EPS15L1: variants seen among roughly 807,000 people sequenced by gnomAD.
EPS15L1 encodes epidermal growth factor receptor substrate 15-like 1.
EPS15L1 carries 43 observed loss-of-function variants against 117.1 expected under a neutral mutation model. The ratio of observed to expected loss-of-function variants is 0.37; its 90% confidence interval spans 0.29 to 0.47. The LOEUF is 0.47. EPS15L1 is among the 20% of genes least tolerant of loss of function. The probability of loss-of-function intolerance (pLI) is 0.99; values close to 1 mark genes in which losing one functional copy is unlikely to be tolerated. For synonymous variants in EPS15L1, 459 were observed against 470.5 expected (o/e 0.98, Z 0.32); for missense variants, 981 against 1,164.0 (o/e 0.84, Z 2.29).
chr19:16,388,699 C>A (rs899358073), intron 19 of EPS15L1, among the ~76,000 whole-genome samples: 5 of 151,748 alleles, frequency 3.3e-5, no homozygotes, highest in Non-Finnish European at 7.4e-5. Context: ...TAGTGGCGGG[C>A]GCCTGTAGTC....
In EPS15L1 at chr19:16,442,053, G is replaced by A. The variant is rs188122141; in HGVS notation, c.76-72C>T. 157 of 1,479,392 alleles carry A rather than the reference G, an allele frequency of 1.1e-4. No individual in the cohort carries two copies. In the African/African-American group the frequency reaches 1.6e-3, roughly 15 times the overall value. The allele number at this position is 1,479,392 out of a possible 1,614,324, so 91.6% of individuals were successfully genotyped here. A position where few individuals can be genotyped will look rare whatever the true frequency, so the allele number is the denominator to read the frequency against. ...CAGCAGGTGAAGTGGCACCCGCCAC[G>A]CTAACTATCCGCTGACAGTGAACAG... On this transcript the variant is annotated intron_variant, in intron 2 of 23. Coordinates refer to ENST00000455140, the MANE Select transcript of EPS15L1 (RefSeq NM_001258374.3).
intron 16 of EPS15L1, among the ~76,000 whole-genome samples, chr19:16,399,609 A>C (rs751781533): frequency 3.3e-5 from 5 of 152,002 alleles, no homozygotes; most frequent in Non-Finnish European, 7.4e-5. Flanking sequence ...CTGTGGTGTA[A>C]ACAGTCTCAT....
chr19:16,386,429 C>T (rs751672630), intron 19 of EPS15L1, among the ~76,000 whole-genome samples, 198 bp from the exon 20 acceptor site: 3 of 152,130 alleles, frequency 2.0e-5, no homozygotes, highest in Non-Finnish European at 2.9e-5. Context: ...TCAACCTGGA[C>T]GGAATATCCC....
chr19:16,447,577 T>C (rs938271555), intron 1 of EPS15L1, among the ~76,000 whole-genome samples: 2 of 152,014 alleles, frequency 1.3e-5, no homozygotes, highest in Non-Finnish European at 2.9e-5. Context: ...CTGGCCAACA[T>C]GATGAAACCC....
At chr19:16,402,129 A>T (rs140782885) in intron 16 of EPS15L1, 192 bp downstream of exon 16, 3 of 1,356,504 alleles carry the variant, frequency 2.2e-6, no homozygotes, top group African/African-American at 3.0e-5. Context: ...GGAAGCCAGG[A>T]TTCAGCATGG....
chr19:16,436,056 G>C (rs531924182), intron 6 of EPS15L1, among the ~76,000 whole-genome samples: 14 of 152,374 alleles, frequency 9.2e-5, no homozygotes, highest in African/African-American at 3.1e-4. Flanking sequence ...CACTGGCAAA[G>C]TGCTTGATGA....
At chr19:16,357,431 C>A (rs2091996538) in intron 23 of EPS15L1, 1 of 152,242 alleles carries the variant, frequency 6.6e-6, no homozygotes, top group Non-Finnish European at 1.5e-5. Flanking sequence ...GCTCGTGGGC[C>A]CCAGGAAGGA....
At chr19:16,417,399 C>A (rs1339068098) in intron 12 of EPS15L1, 153 bp downstream of exon 12, 9 of 659,358 alleles carry the variant, frequency 1.4e-5, no homozygotes, top group Non-Finnish European at 2.5e-5. Flanking sequence ...GCCCCTTGAG[C>A]CAGTTTAGGA....
intron 21 of EPS15L1, among the ~76,000 whole-genome samples, chr19:16,378,476 G>T (rs1263392047): frequency 6.6e-6 from 1 of 152,036 alleles, no homozygotes; most frequent in African/African-American, 2.4e-5. Flanking sequence ...AGCCTGGCTG[G>T]ACCCCACTGC....
intron 17 of EPS15L1, among the ~76,000 whole-genome samples, chr19:16,394,447 T>G (rs532595760): frequency 6.6e-6 from 1 of 152,270 alleles, no homozygotes; most frequent in Non-Finnish European, 1.5e-5. Flanking sequence ...GGCTGCCAGA[T>G]TCGCCTCTCA....
intron 16 of EPS15L1, 101 bp downstream of exon 16, chr19:16,402,220 G>A (rs893211234): frequency 2.0e-6 from 3 of 1,480,004 alleles, no homozygotes; most frequent in South Asian, 1.4e-5. Context: ...GCACTTGGCT[G>A]GAACCAACGT....
At chr19:16,412,561 AAC>A (rs961285060) in intron 13 of EPS15L1, 6 of 152,542 alleles carry the variant, frequency 3.9e-5, no homozygotes, top group African/African-American at 1.2e-4. Flanking sequence ...CTATAATCCT[AAC>A]ACTTTGAGAA....
At chr19:16,424,011 T>G (rs2067973627) in intron 9 of EPS15L1, among the ~76,000 whole-genome samples, 1 of 152,212 alleles carries the variant, frequency 6.6e-6, no homozygotes, top group Non-Finnish European at 1.5e-5. Context: ...GATGCCAAAT[T>G]GACTATAAAC....
At chr19:16,373,183 TGTCA>T (rs993124694) in intron 22 of EPS15L1, among the ~76,000 whole-genome samples, 2 of 152,210 alleles carry the variant, frequency 1.3e-5, no homozygotes, top group Non-Finnish European at 2.9e-5. Flanking sequence ...TCAGACTTTT[TGTCA>T]GTCTGTCTAT....
intron 16 of EPS15L1, chr19:16,401,266 G>C: frequency 1.0e-6 from 1 of 985,474 alleles, no homozygotes; most frequent in Non-Finnish European, 1.2e-6. Context: ...GCAGCCCAGG[G>C]GACGCGTGTG....
At chr19:16,427,083 TGGAGGGAGGGAGGAA>T (rs1397489533) in intron 8 of EPS15L1, among the ~76,000 whole-genome samples, 1 of 151,738 alleles carries the variant, frequency 6.6e-6, no homozygotes, top group Non-Finnish European at 1.5e-5. Flanking sequence ...GAGAGAGTGA[TGGAGGGAGGGAGGAA>T]GAAGGGAGGA....
chr19:16,385,216 A>G lies in EPS15L1; in HGVS notation c.2165-5T>C. 9 of 1,613,604 alleles carry G rather than the reference A, an allele frequency of 5.6e-6. No homozygotes were observed. The highest frequency in any genetic ancestry group is 7.6e-6 in the Non-Finnish European group (9 of 1,179,540). Reference sequence around the variant, plus strand: ...GATCTAAGGTTCCAAAGGGATCTGCAATCGGCACCAACAAAGTCAGAGTTA... The same window carrying G: ...GATCTAAGGTTCCAAAGGGATCTGCGATCGGCACCAACAAAGTCAGAGTTA... On this transcript the variant is annotated splice_region_variant and splice_polypyrimidine_tract_variant and intron_variant, in intron 20 of 23. Transcript: ENST00000455140.
intron 1 of EPS15L1, among the ~76,000 whole-genome samples, chr19:16,442,968 T>C (rs1160300028): frequency 6.6e-6 from 1 of 152,166 alleles, no homozygotes; most frequent in East Asian, 1.9e-4. Context: ...TCCCGCTGTG[T>C]CCTGAGCTCT....
intron 7 of EPS15L1, among the ~76,000 whole-genome samples, chr19:16,433,994 A>AATAG (rs893386822): frequency 3.3e-5 from 5 of 151,100 alleles, no homozygotes; most frequent in African/African-American, 9.7e-5. Flanking sequence ...TAAATAAATA[A>AATAG]ATAGACACAG....
Sources: gnomAD v4.1 joint callset for allele counts (sites outside exome capture counted in the v4.1 genomes callset) on GRCh38, gnomAD v4.1.1 for gene constraint, MANE v1.5 for transcripts, NCBI Gene and HGNC (gene_info 2026-07-23, HGNC 2026-07-21) for gene names.